PHLPP2: variants seen among roughly 807,000 people sequenced by gnomAD.
The protein encoded by PHLPP2 is PH domain and leucine rich repeat protein phosphatase 2, also known as PH domain leucine-rich repeat-containing protein phosphatase 2.
Under a neutral mutation model 124.9 loss-of-function variants are expected in PHLPP2, and 66 were observed. The observed-to-expected ratio is 0.53, with a 90% confidence interval of 0.43 to 0.65. The LOEUF (loss-of-function observed/expected upper bound fraction) is 0.65, where lower values mean the gene tolerates loss of function less well. Among genes scored for constraint, PHLPP2 ranks in the 30% least tolerant of loss-of-function variants. PHLPP2 has a pLI of 0.00. For missense variants in PHLPP2, 1,685 were observed against 1,600.4 expected, an observed-to-expected ratio of 1.05 and a Z score of -0.90; for synonymous variants, 681 against 624.7, an observed-to-expected ratio of 1.09 and a Z score of -1.34.
intron 5 of PHLPP2, 133 bp downstream of exon 5, chr16:71,684,341 GTC>G (rs2145344785): frequency 1.3e-6 from 1 of 778,424 alleles, no homozygotes; most frequent in Non-Finnish European, 2.1e-6. Context: ...GGTCAGACTG[GTC>G]TCGAACTCCC....
chr16:71,684,231 T>C (rs2045031501), intron 5 of PHLPP2, among the ~76,000 whole-genome samples: 1 of 150,824 alleles, frequency 6.6e-6, no homozygotes, highest in South Asian at 2.1e-4. Context: ...ATTCAAGCGA[T>C]TCGCCTGCCT....
Position 71,679,413 on chromosome 16 carries a change from G to A in PHLPP2, c.1013C>T (p.Pro338Leu), listed in dbSNP as rs1289867158. 4.3e-6 allele frequency: 7 copies of A among 1,613,728 alleles called. No individual in the cohort carries two copies. Among genetic ancestry groups the A allele is most frequent in the Admixed American group, 3.3e-5 (2 of 59,994 alleles). Reference sequence around the variant, plus strand: ...CTTTAGCAGATTGCCAATTTGACTTGGTAGGTCATGAAATCCATTACAGGA... The same window carrying A: ...CTTTAGCAGATTGCCAATTTGACTTAGTAGGTCATGAAATCCATTACAGGA... ...NLSCNGFHDL[P>L]SQIGNLLNLQ... The change falls in exon 7 of 19, where the codon CCA becomes CTA. Residue 338 changes from proline (P) to leucine (L), a missense_variant. Transcript: ENST00000568954.
chr16:71,666,091 G>C (rs2044837500), intron 12 of PHLPP2: 1 of 152,110 alleles, frequency 6.6e-6, no homozygotes, highest in Non-Finnish European at 1.5e-5. Context: ...CTAGTTTTCA[G>C]TGCTTGCTTT....
Position 71,663,954 on chromosome 16 carries a change from G to C in PHLPP2, c.1930C>G (p.Leu644Val), listed in dbSNP as rs769947555. ...DQCIPVLVGH[L>V]HLRILHLANN... The stretch of plus-strand genomic sequence containing the variant: ...GCAAGGTGCAAGATTCGCAGGTGCA[G>C]GTGCCCTACCAGGACAGGTATGCAC... Residue 644 changes from leucine (L) to valine (V), a missense_variant, in exon 13 of 19, where the codon CTG (leucine) becomes GTG (valine). By Grantham distance (32) the Leu-to-Val change is conservative. Coordinates refer to ENST00000568954, the MANE Select transcript of PHLPP2 (RefSeq NM_015020.3). The C allele has an allele frequency of 6.2e-7, 1 of 1,614,142 alleles. No individual in the cohort carries two copies. Among genetic ancestry groups the C allele is most frequent in the Non-Finnish European group, 8.5e-7 (1 of 1,179,968 alleles).
intron 1 of PHLPP2, among the ~76,000 whole-genome samples, chr16:71,719,585 T>A (rs2045384612): frequency 1.3e-5 from 2 of 151,376 alleles, no homozygotes; most frequent in Non-Finnish European, 2.9e-5. Context: ...TGTTTATACA[T>A]ACTTTGCTCA....
chr16:71,672,233 C>G (rs1192627669), intron 10 of PHLPP2, 29 bp downstream of exon 10: 4 of 1,575,986 alleles, frequency 2.5e-6, no homozygotes, highest in African/African-American at 2.7e-5. Flanking sequence ...TAGTAAGAAG[C>G]AAGCGCCACC....
At chr16:71,707,025 C>T (rs184176805) in intron 2 of PHLPP2, among the ~76,000 whole-genome samples, 1 of 135,354 alleles carries the variant, frequency 7.4e-6, no homozygotes, top group African/African-American at 2.8e-5. Context: ...GCAATCTCGG[C>T]TCACTGCAGG....
chr16:71,650,187 G>A (rs2044686755), intron 18 of PHLPP2, 143 bp from the exon 19 acceptor site: 1 of 629,070 alleles, frequency 1.6e-6, no homozygotes, highest in African/African-American at 1.8e-5. Flanking sequence ...TTAAATGGAT[G>A]CACACAAATA....
At chr16:71,687,752 C>T (rs1171650193) in intron 4 of PHLPP2, among the ~76,000 whole-genome samples, 1 of 152,176 alleles carries the variant, frequency 6.6e-6, no homozygotes, top group Admixed American at 6.5e-5. Context: ...CACATTGCCA[C>T]ATCTAAACAC....
chr16:71,648,923 G>A lies in PHLPP2; in HGVS notation c.3939C>T (p.Thr1313=), dbSNP rs139626439. 4.5e-5 allele frequency: 72 copies of A among 1,612,710 alleles called. No individual in the cohort carries two copies. The highest frequency in any genetic ancestry group is 3.2e-4 in the African/African-American group (24 of 74,874). ...LEPEPHEEDR[T]EPPEEFDTAL ...CTGTGTCGAACTCCTCCGGGGGCTC[G>A]GTCCGATCCTCTTCATGGGGCTCAG... is the stretch of plus-strand genomic sequence containing the variant. Residue 1313 remains threonine, a synonymous_variant, in exon 19 of 19, where the codon ACC becomes ACT. Transcript: ENST00000568954.
chr16:71,660,372 CAAAAA>C (rs1158155665), intron 13 of PHLPP2, among the ~76,000 whole-genome samples: 2 of 26,992 alleles, frequency 7.4e-5, no homozygotes, highest in Non-Finnish European at 1.3e-4. Context: ...GACCTTGTCT[CAAAAA>C]AAAAAAAAAA....
At chr16:71,660,598 TG>T (rs2044780902) in intron 13 of PHLPP2, among the ~76,000 whole-genome samples, 1 of 151,814 alleles carries the variant, frequency 6.6e-6, no homozygotes, top group South Asian at 2.1e-4. Flanking sequence ...GCTAATTTTT[TG>T]TATTTTTAGT....
intron 8 of PHLPP2, chr16:71,677,915 G>A (rs1375352650): frequency 6.6e-6 from 1 of 152,150 alleles, no homozygotes; most frequent in East Asian, 1.9e-4. Flanking sequence ...TCACTGCTAT[G>A]TAAATAAACG....
chr16:71,714,743 G>C lies in PHLPP2; in HGVS notation c.53C>G (p.Ser18Cys), dbSNP rs267604624. 88 of 1,613,998 alleles carry C rather than the reference G, an allele frequency of 5.5e-5. No individual in the cohort carries two copies. The East Asian group carries it at 1.5e-3, about 27-fold the overall frequency. Residue 18 changes from serine (S) to cysteine (C), a missense_variant, in exon 2 of 19, where the codon TCT becomes TGT. Coordinates refer to ENST00000568954, the MANE Select transcript of PHLPP2 (RefSeq NM_015020.3). ...TTCTCTTAGCCAGTCTCTTTCTCGA[G>C]AACCAAACCTACTTCTCCTATTCAA... ...NCLNRRSRFGSRERDWLREDV... is the reference protein window; with the variant it reads ...NCLNRRSRFGCRERDWLREDV...
chr16:71,688,561 A>G (rs1189403539), intron 4 of PHLPP2, among the ~76,000 whole-genome samples: 1 of 144,698 alleles, frequency 6.9e-6, no homozygotes, highest in Non-Finnish European at 1.5e-5. Context: ...TTATCTTCTG[A>G]TGGTTGAGTT....
chr16:71,658,693 ATGTTGTTGGAGTGTGCAACAAGGG>A lies in PHLPP2; in HGVS notation c.2084_2107del (p.Thr695_Asn702del). 5.6e-6 allele frequency: 9 copies of A among 1,614,196 alleles called. No individual in the cohort carries two copies. The highest frequency in any genetic ancestry group is 7.6e-6 in the Non-Finnish European group (9 of 1,180,036). On this transcript the variant is annotated inframe_deletion, in exon 14 of 19. Coordinates refer to ENST00000568954, the MANE Select transcript of PHLPP2 (RefSeq NM_015020.3). ...CTGCAGTATTTCTGGGAAAATGCTG[ATGTTGTTGGAGTGTGCAACAAGGG>A]TGTGCAGCCTTTTACAGTTTGCTAT...
intron 3 of PHLPP2, chr16:71,698,685 G>T: frequency 2.1e-6 from 1 of 478,206 alleles, no homozygotes; most frequent in Non-Finnish European, 3.9e-6. Flanking sequence ...GAACTCAGTT[G>T]GCTTAACTGT....
At position 71,645,042 on chromosome 16, in the gene PHLPP2, T is replaced by A. The variant is rs1309719045; in HGVS notation, c.*3848A>T. On this transcript the variant is annotated 3_prime_UTR_variant, in exon 19 of 19. Transcript: ENST00000568954. ...TGGCTCATATTATTGAATTAAAAAATTTAACACATTTCAAAAATATCAAAA... is the reference window on the plus strand; with the variant it reads ...TGGCTCATATTATTGAATTAAAAAAATTAACACATTTCAAAAATATCAAAA... 7.2e-6 allele frequency: 2 copies of A among 276,098 alleles called. No homozygotes were observed. The highest frequency in any genetic ancestry group is 1.4e-5 in the Non-Finnish European group (2 of 140,586). The allele number at this position is 276,098 out of a possible 1,614,324, so 17.1% of individuals were successfully genotyped here.
At chr16:71,658,960 T>C in intron 13 of PHLPP2, 145 bp from the exon 14 acceptor site, 1 of 706,402 alleles carries the variant, frequency 1.4e-6, no homozygotes, top group East Asian at 2.5e-5. Flanking sequence ...ATACCAGGAA[T>C]ACCAGGAAAG....
Sources: allele counts gnomAD v4.1 joint callset (sites outside exome capture counted in the v4.1 genomes callset), GRCh38; gene constraint gnomAD v4.1.1; transcripts MANE v1.5; gene names NCBI Gene and HGNC (gene_info 2026-07-23, HGNC 2026-07-21).